The following GLDN variants were observed in gnomAD, a reference collection of about 807,000 sequenced individuals.
The protein encoded by GLDN is gliomedin.
A neutral mutation model predicts 56.5 loss-of-function variants in GLDN; 47 were observed. The ratio of observed to expected loss-of-function variants is 0.83; its 90% CI spans 0.66 to 1.06. The LOEUF is 1.06. Among genes scored for constraint, GLDN ranks in the 50% least tolerant of loss-of-function variants. GLDN has a pLI of 0.00. For missense variants in GLDN, 782 were observed against 714.3 expected, an observed-to-expected ratio of 1.09 and a Z score of -1.08; for synonymous variants, 332 against 278.8, an observed-to-expected ratio of 1.19 and a Z score of -1.90.
chr15:51,378,390 C>T (rs945588106), intron 2 of GLDN, among the ~76,000 whole-genome samples: 1 of 152,232 alleles, frequency 6.6e-6, no homozygotes, highest in African/African-American at 2.4e-5. Flanking sequence ...ACTCTTGTAG[C>T]TTAAGCATCT....
At chr15:51,388,232 C>A (rs1472904586) in intron 4 of GLDN, among the ~76,000 whole-genome samples, 7 of 152,170 alleles carry the variant, frequency 4.6e-5, no homozygotes, top group African/African-American at 7.2e-5. Flanking sequence ...CTGAAATCAC[C>A]CCATGGTGAT....
chr15:51,383,705 TA>T, intron 3 of GLDN, 79 bp from the exon 4 acceptor site: 1 of 1,133,670 alleles, frequency 8.8e-7, no homozygotes, highest in Non-Finnish European at 1.3e-6. Flanking sequence ...GTTTCACTGG[TA>T]AAGGAAATGA....
At chr15:51,345,799 A>T (rs2036967071) in intron 1 of GLDN, among the ~76,000 whole-genome samples, 2 of 152,232 alleles carry the variant, frequency 1.3e-5, no homozygotes, top group Non-Finnish European at 2.9e-5. Context: ...AAGAAGTGAG[A>T]GTCTGGCTAT....
At chr15:51,365,610 G>A (rs1902588) in intron 1 of GLDN, among the ~76,000 whole-genome samples, 17,638 of 152,084 alleles carry the variant, frequency 0.12, 1,915 homozygotes, top group African/African-American at 0.28. Context: ...AGGTCACACA[G>A]CCAGTGAGTG....
At chr15:51,384,391 T>C in intron 4 of GLDN, 1 of 184,802 alleles carries the variant, frequency 5.4e-6, no homozygotes, top group South Asian at 1.2e-4. Context: ...CTGGCCTCCC[T>C]GTGGCCGGCA....
intron 1 of GLDN, among the ~76,000 whole-genome samples, chr15:51,370,531 A>G (rs1254333722): frequency 6.6e-6 from 1 of 152,190 alleles, no homozygotes. Context: ...AGATCTGTCC[A>G]AGTAATTTCA....
At chr15:51,361,423 T>A (rs1177173280) in intron 1 of GLDN, among the ~76,000 whole-genome samples, 1 of 152,196 alleles carries the variant, frequency 6.6e-6, no homozygotes, top group African/African-American at 2.4e-5. Context: ...TCTGCCAGTT[T>A]CTGAACCTGG....
At chr15:51,412,679 C>T (rs2141149253), downstream of GLDN, among the ~76,000 whole-genome samples, 1 of 152,042 alleles carries the variant, frequency 6.6e-6, no homozygotes, top group East Asian at 1.9e-4. Context: ...TATAGTTAAG[C>T]TTTGTGTTTT....
chr15:51,398,114 C>A (rs535933724), intron 6 of GLDN, among the ~76,000 whole-genome samples: 61 of 152,348 alleles, frequency 4.0e-4, no homozygotes, highest in African/African-American at 1.5e-3. Flanking sequence ...GCTAATAAAA[C>A]TGATACCCCA....
Position 51,358,833 on chromosome 15 carries a change from C to T in GLDN, c.363+16786C>T, listed in dbSNP as rs577316664. On this transcript the variant is annotated intron_variant, in intron 1 of 9. Transcript: ENST00000335449. Reference sequence around the variant, plus strand: ...CCACCTGGCCACAATAGCCTCTTCCCGGAGGAGAGACATGGCCACCCGAGG... The same window carrying T: ...CCACCTGGCCACAATAGCCTCTTCCTGGAGGAGAGACATGGCCACCCGAGG... Among the ~76,000 whole-genome samples, 13 of 152,292 alleles carry T rather than the reference C, an allele frequency of 8.5e-5. No homozygotes were observed. In the South Asian group the frequency reaches 1.5e-3, roughly 17 times the overall value.
At chr15:51,400,614 T>C in intron 8 of GLDN, 116 bp downstream of exon 8, 1 of 1,118,868 alleles carries the variant, frequency 8.9e-7, no homozygotes, top group Non-Finnish European at 1.3e-6. Flanking sequence ...GCTGGTGTAA[T>C]AAATGTCTCT....
At chr15:51,381,911 T>A (rs1351740588) in intron 2 of GLDN, among the ~76,000 whole-genome samples, 2 of 151,922 alleles carry the variant, frequency 1.3e-5, no homozygotes, top group African/African-American at 4.8e-5. Flanking sequence ...CACAGCATCA[T>A]CCCCCTGCCT....
At chr15:51,409,894 C>T (rs377645550), downstream of GLDN, among the ~76,000 whole-genome samples, 5 of 152,198 alleles carry the variant, frequency 3.3e-5, no homozygotes, top group South Asian at 4.1e-4. Flanking sequence ...ACTTTGAATG[C>T]TTTTTAGGGC....
At chr15:51,377,907 T>C (rs920934272) in intron 2 of GLDN, among the ~76,000 whole-genome samples, 7 of 152,190 alleles carry the variant, frequency 4.6e-5, no homozygotes, top group African/African-American at 1.4e-4. Flanking sequence ...TGCGGAGTGC[T>C]AGAGCAGTCC....
In GLDN at chr15:51,380,343, A is replaced by G. The variant is rs529800652; in HGVS notation, c.415+2843A>G. Among the ~76,000 whole-genome samples, 8 of 152,342 alleles carry G rather than the reference A, an allele frequency of 5.3e-5. 1 individual carries two copies. In the South Asian group the frequency reaches 1.7e-3, roughly 32 times the overall value. ...GGCCCAGGACACCAGCCCTGCATGCACTATTAGCATGATCATGGATGTCTG... is the reference window on the plus strand; with the variant it reads ...GGCCCAGGACACCAGCCCTGCATGCGCTATTAGCATGATCATGGATGTCTG... On this transcript the variant is annotated intron_variant, in intron 2 of 9. Transcript: ENST00000335449.
At position 51,383,428 on chromosome 15, in the gene GLDN, C is replaced by T. The variant is rs2445738; in HGVS notation, c.416-8C>T. 0.4 allele frequency: 639,512 copies of T among 1,611,412 alleles called. 137,465 individuals carry two copies. The highest frequency in any genetic ancestry group is 0.84 in the African/African-American group (62,947 of 74,920). ...TGGTTTCTCAACTAAATTTTTTTTC[C>T]GTTGTAGGACCTTCTGGACCACCAG... On this transcript the variant is annotated splice_region_variant and splice_polypyrimidine_tract_variant and intron_variant, in intron 2 of 9. Coordinates refer to ENST00000335449, the MANE Select transcript of GLDN (RefSeq NM_181789.4).
intron 4 of GLDN, among the ~76,000 whole-genome samples, chr15:51,386,117 A>G (rs939732853): frequency 6.6e-6 from 1 of 152,156 alleles, no homozygotes; most frequent in African/African-American, 2.4e-5. Context: ...GGGAGATCTC[A>G]TAGGAACTGC....
chr15:51,390,469 CA>C (rs1190196425), intron 4 of GLDN, among the ~76,000 whole-genome samples: 1 of 152,220 alleles, frequency 6.6e-6, no homozygotes, highest in African/African-American at 2.4e-5. Context: ...CAAAAGCAAG[CA>C]GTTTCTTTCC....
intron 6 of GLDN, among the ~76,000 whole-genome samples, 187 bp downstream of exon 6, chr15:51,397,785 G>A (rs1384814218): frequency 2.6e-5 from 4 of 152,016 alleles, no homozygotes; most frequent in Admixed American, 6.5e-5. Flanking sequence ...TGAGGACCAG[G>A]GACAGTTTTA....
Sources: gnomAD v4.1 joint callset for allele counts (sites outside exome capture counted in the v4.1 genomes callset) on GRCh38, gnomAD v4.1.1 for gene constraint, MANE v1.5 for transcripts, NCBI Gene and HGNC (gene_info 2026-07-23, HGNC 2026-07-21) for gene names.